Variants in CALCR observed in about 807,000 individuals in gnomAD.
The protein encoded by CALCR is calcitonin receptor.
Under a neutral mutation model 59.5 loss-of-function variants are expected in CALCR, and 47 were observed. The ratio of observed to expected loss-of-function variants is 0.79; its 90% CI spans 0.63 to 1.01. The LOEUF (loss-of-function observed/expected upper bound fraction) is 1.01. Among genes scored for constraint, CALCR ranks in the 50% least tolerant of loss-of-function variants. The pLI is 0.00. For missense variants in CALCR, 566 were observed against 597.1 expected (o/e 0.95, Z 0.54); for synonymous variants, 213 against 211.3 (o/e 1.01, Z -0.07).
chr7:93,554,530 C>T (rs1789541937), intron 2 of CALCR, among the ~76,000 whole-genome samples: 1 of 151,904 alleles, frequency 6.6e-6, no homozygotes, highest in African/African-American at 2.4e-5. Flanking sequence ...ATCTTTTACC[C>T]TTTCTGGTCA....
chr7:93,560,728 G>T (rs759692151), intron 2 of CALCR, among the ~76,000 whole-genome samples: 12 of 152,186 alleles, frequency 7.9e-5, no homozygotes, highest in African/African-American at 2.6e-4. Context: ...GCATTTCTCA[G>T]CTTCTAACCA....
intron 2 of CALCR, among the ~76,000 whole-genome samples, chr7:93,512,307 G>T (rs1325916247): frequency 6.6e-6 from 1 of 152,086 alleles, no homozygotes; most frequent in East Asian, 1.9e-4. Context: ...TATTGAGGAA[G>T]CAACTCAAGT....
intron 2 of CALCR, among the ~76,000 whole-genome samples, chr7:93,524,343 G>A (rs1234982483): frequency 6.6e-6 from 1 of 150,896 alleles, no homozygotes. Flanking sequence ...CTAATTTTTT[G>A]GTATTTTTAG....
intron 1 of CALCR, 71 bp from the exon 2 acceptor site, chr7:93,574,577 A>T (rs1790079617): frequency 6.6e-6 from 1 of 152,290 alleles, no homozygotes; most frequent in East Asian, 1.9e-4. Flanking sequence ...GTTTTCTGAC[A>T]CTTTAAATCT....
At chr7:93,571,504 C>T (rs549391254) in intron 2 of CALCR, among the ~76,000 whole-genome samples, 18 of 151,394 alleles carry the variant, frequency 1.2e-4, no homozygotes, top group African/African-American at 3.2e-4. Context: ...ATTAAGGCAC[C>T]GAGAAGTTAC....
intron 2 of CALCR, among the ~76,000 whole-genome samples, chr7:93,530,890 C>T (rs1456355014): frequency 6.6e-6 from 1 of 152,096 alleles, no homozygotes; most frequent in Non-Finnish European, 1.5e-5. Flanking sequence ...ACAGACATCA[C>T]TGGAGAGCTT....
At chr7:93,475,043 T>A (rs2299251) in intron 5 of CALCR, among the ~76,000 whole-genome samples, 18,755 of 151,634 alleles carry the variant, frequency 0.12, 2,513 homozygotes, top group African/African-American at 0.32. Context: ...CTATTAGTAG[T>A]TTTGGTTACT....
chr7:93,449,456 G>T (rs956387799), intron 8 of CALCR, among the ~76,000 whole-genome samples: 2 of 151,914 alleles, frequency 1.3e-5, no homozygotes, highest in South Asian at 4.1e-4. Context: ...ATGTGTAATT[G>T]CTGTTAAATA....
chr7:93,477,961 C>CAAAAAAAAAAAAAAAAAAAAAAAAAAA (rs71107894), intron 4 of CALCR, among the ~76,000 whole-genome samples: 1 of 54,378 alleles, frequency 1.8e-5, no homozygotes, highest in Admixed American at 3.0e-4. Context: ...GACCCTCTCT[C>CAAAAAAAAAAAAAAAAAAAAAAAAAAA]AAAAAAAAAA....
At chr7:93,540,401 T>C (rs553276607) in intron 2 of CALCR, among the ~76,000 whole-genome samples, 5 of 152,272 alleles carry the variant, frequency 3.3e-5, no homozygotes, top group Non-Finnish European at 7.4e-5. Context: ...TATGGTACCA[T>C]GTAATAAAAT....
intron 13 of CALCR, 148 bp downstream of exon 13, chr7:93,434,103 AGT>A: frequency 1.5e-6 from 1 of 671,812 alleles, no homozygotes; most frequent in Non-Finnish European, 2.7e-6. Flanking sequence ...TTCAGCTTGG[AGT>A]AGTGGAAAAA....
At chr7:93,488,708 A>T (rs1417791314) in intron 2 of CALCR, among the ~76,000 whole-genome samples, 1 of 151,796 alleles carries the variant, frequency 6.6e-6, no homozygotes, top group African/African-American at 2.4e-5. Flanking sequence ...GTTCAACAAG[A>T]GCTAACTACT....
chr7:93,430,352 T>C (rs1353786781), intron 13 of CALCR, among the ~76,000 whole-genome samples: 1 of 152,336 alleles, frequency 6.6e-6, no homozygotes, highest in East Asian at 1.9e-4. Flanking sequence ...TTTCAGTCTT[T>C]CGGAGGCCAT....
intron 8 of CALCR, among the ~76,000 whole-genome samples, chr7:93,451,560 T>A (rs1800110660): frequency 6.6e-6 from 1 of 151,864 alleles, no homozygotes; most frequent in Admixed American, 6.6e-5. Flanking sequence ...AAAGAGCAAT[T>A]ACAGAGAAAA....
At chr7:93,524,380 C>G (rs1801832208) in intron 2 of CALCR, among the ~76,000 whole-genome samples, 1 of 151,994 alleles carries the variant, frequency 6.6e-6, no homozygotes, top group Non-Finnish European at 1.5e-5. Context: ...CCGTGTTAGC[C>G]AGGATGGTCT....
intron 13 of CALCR, among the ~76,000 whole-genome samples, chr7:93,427,585 T>C (rs1036818279): frequency 3.9e-5 from 6 of 152,178 alleles, no homozygotes; most frequent in Non-Finnish European, 7.3e-5. Context: ...ACCTGGGGAA[T>C]ATATAATGTG....
At chr7:93,505,868 A>G (rs1801414509) in intron 2 of CALCR, among the ~76,000 whole-genome samples, 2 of 152,292 alleles carry the variant, frequency 1.3e-5, no homozygotes, top group South Asian at 4.1e-4. Flanking sequence ...CCCCGTGTAC[A>G]GGAAGGAGCA....
chr7:93,535,427 A>C (rs762177490), intron 2 of CALCR, among the ~76,000 whole-genome samples: 7 of 151,698 alleles, frequency 4.6e-5, no homozygotes, highest in Non-Finnish European at 1.0e-4. Context: ...GTCTTGCTTC[A>C]CTTTTTATTC....
At chr7:93,572,438 G>T (rs1790027453) in intron 2 of CALCR, among the ~76,000 whole-genome samples, 1 of 152,040 alleles carries the variant, frequency 6.6e-6, no homozygotes, top group South Asian at 2.1e-4. Flanking sequence ...TTGGGGTAAG[G>T]CTGAGCATCC....
Sources: gnomAD v4.1 joint callset for allele counts (sites outside exome capture counted in the v4.1 genomes callset) on GRCh38, gnomAD v4.1.1 for gene constraint, MANE v1.5 for transcripts, NCBI Gene and HGNC (gene_info 2026-07-23, HGNC 2026-07-21) for gene names.